The following ANKS1B variants were observed in gnomAD, a reference collection of about 807,000 sequenced individuals.
ANKS1B encodes ankyrin repeat and sterile alpha motif domain containing 1B.
A neutral mutation model predicts 148.3 loss-of-function variants in ANKS1B; 36 were observed. The observed-to-expected ratio is 0.24, with a 90% CI of 0.19 to 0.32. The LOEUF is 0.32. ANKS1B is among the 10% of genes least tolerant of loss of function. The pLI is 1.00. For synonymous variants in ANKS1B, 542 were observed against 560.8 expected (o/e 0.97, Z 0.47); for missense variants, 1,157 against 1,542.6 (o/e 0.75, Z 4.19).
chr12:98,744,787 A>G lies in ANKS1B; in HGVS notation c.*952T>C. ...CCATGACAGAAATCTTGACAGCAGG[A>G]GCACTAGATTTTTTTTTTTTTAACA... On this transcript the variant is annotated 3_prime_UTR_variant, in exon 27 of 27. Coordinates refer to ENST00000683438, the MANE Select transcript of ANKS1B (RefSeq NM_001352186.2). 2 of 977,846 alleles carry G rather than the reference A, an allele frequency of 2.0e-6. No individual in the cohort carries two copies. Among genetic ancestry groups the G allele is most frequent in the African/African-American group, 1.8e-5 (1 of 55,708 alleles). 60.6% of individuals were successfully genotyped at this position (977,846 alleles called of 1,614,324 possible). A position where few individuals can be genotyped will look rare whatever the true frequency, so the allele number is the denominator to read the frequency against.
rs2097218820 is a variant in ANKS1B at position 99,551,551 on chromosome 12, AGGGGAGGGGAGGG to A, written c.1273-46923_1273-46911del. On this transcript the variant is annotated intron_variant, in intron 9 of 26. Transcript: ENST00000683438. ...AGGAGAGGGGAGGGGAGGGGAGGGG[AGGGGAGGGGAGGG>A]GAGGGGAGAGGAAGAATACTCTGGA... Among the ~76,000 whole-genome samples, 4 of 23,834 alleles carry A rather than the reference AGGGGAGGGGAGGG, an allele frequency of 1.7e-4. 1 individual carries two copies. Among genetic ancestry groups the A allele is most frequent in the African/African-American group, 5.1e-4 (4 of 7,876 alleles). The allele number at this position is 23,834 out of a possible 152,430, so 15.6% of individuals were successfully genotyped here.
At chr12:99,265,352 C>T (rs11109786) in intron 12 of ANKS1B, among the ~76,000 whole-genome samples, 48,836 of 151,972 alleles carry the variant, frequency 0.32, 9,368 homozygotes, top group African/African-American at 0.54. Flanking sequence ...GGCCTCACTT[C>T]AGAATACCTG....
intron 24 of ANKS1B, among the ~76,000 whole-genome samples, chr12:98,774,869 C>CA (rs2098652686): frequency 6.6e-6 from 1 of 152,056 alleles, no homozygotes; most frequent in African/African-American, 2.4e-5. Flanking sequence ...AGTGCTCTGT[C>CA]AAAAAATAAC....
chr12:99,669,413 A>G (rs1035107560), intron 8 of ANKS1B, among the ~76,000 whole-genome samples: 2 of 152,106 alleles, frequency 1.3e-5, no homozygotes, highest in Non-Finnish European at 1.5e-5. Context: ...GATCAGTTTA[A>G]TTCATTCAAG....
intron 17 of ANKS1B, among the ~76,000 whole-genome samples, chr12:98,889,610 T>G (rs978988979): frequency 6.6e-6 from 1 of 152,204 alleles, no homozygotes; most frequent in African/African-American, 2.4e-5. Flanking sequence ...GCATCTAAAG[T>G]GCTGGGATTA....
Position 99,440,478 on chromosome 12 carries a change from A to G in ANKS1B, c.1575+3195T>C, listed in dbSNP as rs1276875904. 2.0e-5 allele frequency among the ~76,000 whole-genome samples: 3 copies of G among 151,862 alleles called. No homozygotes were observed. In the South Asian group the frequency reaches 6.2e-4, roughly 32 times the overall value. On this transcript the variant is annotated intron_variant, in intron 11 of 26. Coordinates refer to ENST00000683438, the MANE Select transcript of ANKS1B (RefSeq NM_001352186.2). ...AAAATTCAGGCTTGTGGGTTAATAT[A>G]CTGGAGAGAAACAAAGAGAAAAGAG...
At chr12:98,830,185 G>A (rs995039472) in intron 18 of ANKS1B, among the ~76,000 whole-genome samples, 47 of 152,072 alleles carry the variant, frequency 3.1e-4, no homozygotes, top group Non-Finnish European at 2.2e-4. Context: ...TCATTTTAGG[G>A]TGACTACACT....
rs184872258 is a variant in ANKS1B, at chr12:99,036,498, T to C, written c.2778+16659A>G. Among the ~76,000 whole-genome samples the C allele has an allele frequency of 1.2e-3, 182 of 152,352 alleles. 1 individual carries two copies. Among genetic ancestry groups the C allele is most frequent in the Non-Finnish European group, 2.1e-3 (142 of 68,028 alleles). ...TCTTACAATCCACAGTGCCTCACAA[T>C]TGCCATCACATGGTTGTCATAGCCC... On this transcript the variant is annotated intron_variant, in intron 17 of 26. Transcript: ENST00000683438.
intron 8 of ANKS1B, among the ~76,000 whole-genome samples, chr12:99,741,972 G>T (rs930284785): frequency 6.6e-6 from 1 of 151,906 alleles, no homozygotes; most frequent in Non-Finnish European, 1.5e-5. Flanking sequence ...GGACCTAGAG[G>T]CCATTATCCT....
downstream of ANKS1B, among the ~76,000 whole-genome samples, chr12:98,740,500 G>T (rs2097792983): frequency 6.6e-6 from 1 of 152,200 alleles, no homozygotes; most frequent in South Asian, 2.1e-4. Context: ...TTCCTGCTCA[G>T]GTTTGGTGGC....
At chr12:99,810,172 G>A (rs1292863947) in intron 3 of ANKS1B, among the ~76,000 whole-genome samples, 2 of 151,998 alleles carry the variant, frequency 1.3e-5, no homozygotes, top group Non-Finnish European at 2.9e-5. Flanking sequence ...TCGACAAGTT[G>A]TTTAGTTTTA....
Position 99,085,052 on chromosome 12 carries a change from A to G in ANKS1B, c.2527-29T>C, listed in dbSNP as rs1354234055. The G allele has an allele frequency of 2.6e-6, 4 of 1,539,128 alleles. No homozygotes were observed. The African/African-American group carries it at 5.4e-5, about 21-fold the overall frequency. On this transcript the variant is annotated intron_variant, in intron 15 of 26. Transcript: ENST00000683438. ...AAACAAAACAGAAATGTTACAAGTT[A>G]AATCAAGCATTTATACTGTGGATAA... is the stretch of plus-strand genomic sequence containing the variant.
intron 1 of ANKS1B, among the ~76,000 whole-genome samples, chr12:99,944,169 T>C (rs1032879772): frequency 3.3e-5 from 5 of 152,244 alleles, no homozygotes; most frequent in African/African-American, 9.6e-5. Flanking sequence ...ATTTACCCCA[T>C]CTTCATGCTC....
intron 13 of ANKS1B, 104 bp downstream of exon 13, chr12:99,246,171 T>A: frequency 2.3e-6 from 2 of 854,674 alleles, no homozygotes; most frequent in Non-Finnish European, 3.4e-6. Flanking sequence ...GTATGCTTTT[T>A]TTTTTCTTGC....
chr12:99,467,562 C>A (rs1440070840), intron 10 of ANKS1B, among the ~76,000 whole-genome samples: 1 of 152,180 alleles, frequency 6.6e-6, no homozygotes, highest in East Asian at 1.9e-4. Context: ...CCCAAAATCT[C>A]CTTAAGCTGA....
intron 10 of ANKS1B, among the ~76,000 whole-genome samples, chr12:99,494,132 C>G (rs970545434): frequency 6.6e-6 from 1 of 152,148 alleles, no homozygotes; most frequent in African/African-American, 2.4e-5. Context: ...TGTCGCCAAC[C>G]TGTGCTTCTG....
At chr12:99,907,618 GTGC>G (rs2093832880) in intron 1 of ANKS1B, among the ~76,000 whole-genome samples, 1 of 152,108 alleles carries the variant, frequency 6.6e-6, no homozygotes, top group Admixed American at 6.5e-5. Flanking sequence ...GATGGACACT[GTGC>G]TACTTCCCAG....
At chr12:98,946,161 C>T (rs1303456552) in intron 17 of ANKS1B, among the ~76,000 whole-genome samples, 2 of 152,170 alleles carry the variant, frequency 1.3e-5, no homozygotes, top group Non-Finnish European at 2.9e-5. Flanking sequence ...TTTGGGGCTT[C>T]TAGGTAAAGC....
chr12:99,062,109 C>G (rs751610037), intron 16 of ANKS1B, among the ~76,000 whole-genome samples: 2 of 152,174 alleles, frequency 1.3e-5, no homozygotes, highest in African/African-American at 2.4e-5. Flanking sequence ...GGGAGACACG[C>G]GGCCTTGGGC....
Sources: gnomAD v4.1 joint callset for allele counts (sites outside exome capture counted in the v4.1 genomes callset) on GRCh38, gnomAD v4.1.1 for gene constraint, MANE v1.5 for transcripts, NCBI Gene and HGNC (gene_info 2026-07-23, HGNC 2026-07-21) for gene names.